PDE4D: variants seen among roughly 807,000 people sequenced by gnomAD.
The protein encoded by PDE4D is phosphodiesterase 4D, also known as 3',5'-cyclic-AMP phosphodiesterase 4D.
Under a neutral mutation model 87.4 loss-of-function variants are expected in PDE4D, and 24 were observed. That is an observed-to-expected ratio of 0.27 (90% CI 0.20 to 0.39). The LOEUF (loss-of-function observed/expected upper bound fraction) is 0.39. Ranked by LOEUF, PDE4D falls within the 10% of genes least tolerant of loss-of-function variation. The pLI is 1.00. For missense variants in PDE4D, 714 were observed against 1,041.0 expected (o/e 0.69, Z 4.32); for synonymous variants, 384 against 383.2 (o/e 1.00, Z -0.02).
Position 59,762,519 on chromosome 5 carries a change from TGTATATGG to T in PDE4D, c.455+130641_455+130648del, listed in dbSNP as rs1762199272. 5.0e-5 allele frequency among the ~76,000 whole-genome samples: 6 copies of T among 120,960 alleles called. 1 individual carries two copies. The highest frequency in any genetic ancestry group is 2.1e-4 in the East Asian group (1 of 4,734). The allele number at this position is 120,960 out of a possible 152,430, so 79.4% of individuals were successfully genotyped here. A position where few individuals can be genotyped will look rare whatever the true frequency, so the allele number is the denominator to read the frequency against. ...ATATGGGTACACATATGTGTATATG[TGTATATGG>T]GTACACATGTGTATATGTGTATATG... is the stretch of plus-strand genomic sequence containing the variant. On this transcript the variant is annotated intron_variant, in intron 1 of 14. Coordinates refer to ENST00000340635, the MANE Select transcript of PDE4D (RefSeq NM_001104631.2).
intron 6 of PDE4D, among the ~76,000 whole-genome samples, chr5:59,031,362 GATATATATATATATATAT>G (rs137969980): frequency 8.9e-6 from 1 of 111,886 alleles, no homozygotes; most frequent in Non-Finnish European, 1.7e-5. Flanking sequence ...AAGAAAATGT[GATATATATATATATATAT>G]ATATATATAT....
rs536068680 is a variant in PDE4D, at chr5:59,442,880, G to A, written c.456-226912C>T. 6.6e-5 allele frequency among the ~76,000 whole-genome samples: 10 copies of A among 152,268 alleles called. No homozygotes were observed. The South Asian group carries it at 2.1e-3, about 32-fold the overall frequency. ...ATTTATATCACCGAATTAGTTGTTG[G>A]TAGAAGTCATTGGCCCATACCATCT... is the stretch of plus-strand genomic sequence containing the variant. On this transcript the variant is annotated intron_variant, in intron 1 of 14. Coordinates refer to ENST00000340635, the MANE Select transcript of PDE4D (RefSeq NM_001104631.2).
chr5:59,819,761 C>T (rs1182325814), intron 1 of PDE4D, among the ~76,000 whole-genome samples: 3 of 152,054 alleles, frequency 2.0e-5, no homozygotes, highest in Non-Finnish European at 4.4e-5. Flanking sequence ...GCTATCTTTC[C>T]CCTCTGTAGC....
chr5:59,698,672 C>A (rs114107228), intron 1 of PDE4D, among the ~76,000 whole-genome samples: 2,797 of 152,148 alleles, frequency 0.018, 48 homozygotes, highest in Non-Finnish European at 0.028. Context: ...ATGGAATTTG[C>A]GTGACAGTCC....
intron 1 of PDE4D, among the ~76,000 whole-genome samples, chr5:59,421,638 T>C (rs941468325): frequency 6.6e-6 from 1 of 152,190 alleles, no homozygotes; most frequent in Middle Eastern, 3.4e-3. Context: ...AAGAGTAAGA[T>C]GATGAGTTCA....
intron 1 of PDE4D, among the ~76,000 whole-genome samples, chr5:59,454,481 C>T (rs1380961332): frequency 7.2e-5 from 11 of 152,174 alleles, no homozygotes; most frequent in Admixed American, 2.6e-4. Flanking sequence ...CCTAGCCTTC[C>T]GCCATGATTG....
intron 1 of PDE4D, among the ~76,000 whole-genome samples, chr5:59,357,247 T>C (rs17725522): frequency 0.051 from 7,764 of 152,268 alleles, 293 homozygotes; most frequent in South Asian, 0.16. Flanking sequence ...TAAACCTTTA[T>C]ATCAGTGTGA....
chr5:60,483,482 T>G (rs1748891361), intron 1 of PDE4D, among the ~76,000 whole-genome samples: 1 of 152,178 alleles, frequency 6.6e-6, no homozygotes, highest in Admixed American at 6.5e-5. Flanking sequence ...TCTGCCAACA[T>G]GAAATAAATG....
At chr5:59,332,295 T>C (rs968032404) in intron 1 of PDE4D, among the ~76,000 whole-genome samples, 7 of 152,196 alleles carry the variant, frequency 4.6e-5, no homozygotes, top group Admixed American at 6.5e-5. Context: ...TTACAATATG[T>C]ATGTATATAC....
intron 3 of PDE4D, among the ~76,000 whole-genome samples, chr5:59,188,800 G>A (rs1012510639): frequency 6.6e-6 from 1 of 152,192 alleles, no homozygotes; most frequent in African/African-American, 2.4e-5. Flanking sequence ...TCCAGGTTAT[G>A]TTTTGTTTAA....
chr5:60,481,812 G>A (rs1748753119), intron 1 of PDE4D, among the ~76,000 whole-genome samples: 1 of 152,116 alleles, frequency 6.6e-6, no homozygotes, highest in Non-Finnish European at 1.5e-5. Context: ...ACAATGTTCA[G>A]TGATATTTTA....
At chr5:59,168,891 C>T (rs542235298) in intron 5 of PDE4D, among the ~76,000 whole-genome samples, 1 of 152,178 alleles carries the variant, frequency 6.6e-6, no homozygotes, top group East Asian at 1.9e-4. Context: ...CTTGTCTAGC[C>T]CAGTTTTGCA....
rs34174642 is a variant in PDE4D at position 59,961,302 on chromosome 5, T to TA, written c.272+27185dup. On this transcript the variant is annotated intron_variant, in intron 3 of 16. Coordinates refer to the PDE4D transcript ENST00000502484. The stretch of plus-strand genomic sequence containing the variant: ...AAAGAGAAGACACAGAGACCCAGAT[T>TA]AAAAAAAAAAAAAAGGCCACGAGAG... Among the ~76,000 whole-genome samples, 851 of 136,048 alleles carry TA rather than the reference T, an allele frequency of 6.3e-3. 9 individuals are homozygous for TA. Among genetic ancestry groups the TA allele is most frequent in the African/African-American group, 0.02 (718 of 36,066 alleles). 89.3% of individuals were successfully genotyped at this position (136,048 alleles called of 152,430 possible).
chr5:59,332,697 T>C (rs1776952259), intron 1 of PDE4D, among the ~76,000 whole-genome samples: 1 of 152,200 alleles, frequency 6.6e-6, no homozygotes, highest in African/African-American at 2.4e-5. Flanking sequence ...AAACCAAATG[T>C]TAACTTCCAT....
chr5:58,985,127 C>T (rs760210178), intron 11 of PDE4D, among the ~76,000 whole-genome samples: 2 of 152,082 alleles, frequency 1.3e-5, no homozygotes, highest in Non-Finnish European at 2.9e-5. Flanking sequence ...GTTGGCCAGG[C>T]TGGTCTCCGA....
At chr5:60,359,020 G>A (rs1022849837) in intron 1 of PDE4D, among the ~76,000 whole-genome samples, 1 of 152,150 alleles carries the variant, frequency 6.6e-6, no homozygotes, top group Non-Finnish European at 1.5e-5. Flanking sequence ...GGGTGACAAG[G>A]GTGAAGATAT....
At chr5:60,191,191 ACTCAT>A (rs1219621827) in intron 1 of PDE4D, among the ~76,000 whole-genome samples, 1 of 151,960 alleles carries the variant, frequency 6.6e-6, no homozygotes, top group Non-Finnish European at 1.5e-5. Flanking sequence ...TGTACCACAA[ACTCAT>A]CTACTAGCTA....
intron 1 of PDE4D, among the ~76,000 whole-genome samples, chr5:60,337,953 A>T (rs538249186): frequency 4.6e-5 from 7 of 152,336 alleles, no homozygotes; most frequent in African/African-American, 1.7e-4. Context: ...ATGTAAAAAA[A>T]ATCTGTATAA....
intron 1 of PDE4D, among the ~76,000 whole-genome samples, chr5:59,704,088 AG>A (rs1379736644): frequency 6.6e-6 from 1 of 152,178 alleles, no homozygotes; most frequent in Non-Finnish European, 1.5e-5. Flanking sequence ...AAGGAGTGCG[AG>A]GGAGGTAACC....
Sources: gnomAD v4.1 joint callset for allele counts (sites outside exome capture counted in the v4.1 genomes callset) on GRCh38, gnomAD v4.1.1 for gene constraint, MANE v1.5 for transcripts, NCBI Gene and HGNC (gene_info 2026-07-23, HGNC 2026-07-21) for gene names.